The following ADAMTS14 variants were observed in gnomAD, a reference collection of about 807,000 sequenced individuals.
ADAMTS14 encodes ADAM metallopeptidase with thrombospondin type 1 motif 14.
In ADAMTS14, 100 loss-of-function variants were observed where a neutral mutation model predicts 128.6. The ratio of observed to expected loss-of-function variants is 0.78; its 90% CI spans 0.66 to 0.92. The LOEUF (loss-of-function observed/expected upper bound fraction) is 0.92. Ranked by LOEUF, ADAMTS14 falls within the 40% of genes least tolerant of loss-of-function variation. The pLI is 0.00. For missense variants in ADAMTS14, 1,562 were observed against 1,658.6 expected (o/e 0.94, Z 1.01); for synonymous variants, 665 against 653.8 (o/e 1.02, Z -0.26).
At chr10:70,690,199 AG>A (rs1294167020) in intron 2 of ADAMTS14, among the ~76,000 whole-genome samples, 2 of 143,392 alleles carry the variant, frequency 1.4e-5, no homozygotes. Flanking sequence ...GGGTCTGGAG[AG>A]GGGGTCTGGT....
At chr10:70,682,015 C>T (rs1053442281) in intron 2 of ADAMTS14, among the ~76,000 whole-genome samples, 2 of 152,280 alleles carry the variant, frequency 1.3e-5, no homozygotes, top group African/African-American at 4.8e-5. Context: ...TTTTCAGCCC[C>T]TTCCCTTGGC....
chr10:70,686,097 A>G (rs1206899756), intron 2 of ADAMTS14, among the ~76,000 whole-genome samples: 1 of 152,150 alleles, frequency 6.6e-6, no homozygotes, highest in Non-Finnish European at 1.5e-5. Flanking sequence ...TTGTCATGGA[A>G]CATTGAAAAA....
intron 9 of ADAMTS14, among the ~76,000 whole-genome samples, chr10:70,736,247 T>C (rs1323432289): frequency 1.4e-5 from 2 of 144,332 alleles, no homozygotes; most frequent in African/African-American, 5.1e-5. Flanking sequence ...GGAGGTGGAG[T>C]CCCAGCCTCG....
chr10:70,704,040 A>G lies in ADAMTS14; in HGVS notation c.679+1572A>G, dbSNP rs193297444. ...CATTTCACAGCTTGATTAAAGCCAG[A>G]GGCTTCAGCTCAGCTCTTTGGGTCT... On this transcript the variant is annotated intron_variant, in intron 3 of 21. Transcript: ENST00000373207. Among the ~76,000 whole-genome samples, 569 of 152,336 alleles carry G rather than the reference A, an allele frequency of 3.7e-3. 11 individuals are homozygous for G. Among genetic ancestry groups the G allele is most frequent in the African/African-American group, 0.013 (545 of 41,576 alleles).
intron 18 of ADAMTS14, among the ~76,000 whole-genome samples, chr10:70,753,231 G>T (rs992903708): frequency 1.3e-5 from 2 of 152,306 alleles, no homozygotes; most frequent in African/African-American, 4.8e-5. Flanking sequence ...CACCCAGTGG[G>T]CATGCGCTTA....
At chr10:70,745,173 G>C in intron 14 of ADAMTS14, 53 bp from the exon 15 acceptor site, 3 of 1,570,428 alleles carry the variant, frequency 1.9e-6, no homozygotes, top group Non-Finnish European at 2.6e-6. Context: ...ACGCTGGGCA[G>C]TGGGACCACC....
rs1007635875 is a variant in ADAMTS14 at position 70,762,287 on chromosome 10, C to G, written c.*1434C>G. 1.3e-5 allele frequency: 2 copies of G among 152,324 alleles called. No individual in the cohort carries two copies. Among genetic ancestry groups the G allele is most frequent in the Non-Finnish European group, 1.5e-5 (1 of 68,120 alleles). 9.4% of individuals were successfully genotyped at this position (152,324 alleles called of 1,614,324 possible). On this transcript the variant is annotated 3_prime_UTR_variant, in exon 22 of 22. Transcript: ENST00000373207. ...AGTGGAGGTCCTGGGGGGCTCCCCGCCCTCCCCCTGTTGCCCTCCCCTCCC... is the reference window on the plus strand; with the variant it reads ...AGTGGAGGTCCTGGGGGGCTCCCCGGCCTCCCCCTGTTGCCCTCCCCTCCC...
At chr10:70,673,002 A>G (rs1839528587) in intron 1 of ADAMTS14, 118 bp downstream of exon 1, 19 of 1,289,210 alleles carry the variant, frequency 1.5e-5, no homozygotes, top group African/African-American at 3.1e-5. Context: ...CAGTATGCAC[A>G]CTCTGGGCTG....
Position 70,760,837 on chromosome 10 carries a change from C to A in ADAMTS14, c.3656C>A (p.Ala1219Asp). ...CATCCCGGCACCAGCCTCCCTGCTGCCTCCCCGGTGACATGAGCTGTGCCC... is the reference window on the plus strand; with the variant it reads ...CATCCCGGCACCAGCCTCCCTGCTGACTCCCCGGTGACATGAGCTGTGCCC... The part of the protein sequence containing the change: ...LRHPGTSLPA[A>D]SPVT The change falls in exon 22 of 22, where the codon GCC becomes GAC. Residue 1219 changes from alanine to aspartate, a missense_variant. Coordinates refer to ENST00000373207, the MANE Select transcript of ADAMTS14 (RefSeq NM_080722.4). 1 of 1,576,840 alleles carries A rather than the reference C, an allele frequency of 6.3e-7. No individual in the cohort carries two copies. The highest frequency in any genetic ancestry group is 8.6e-7 in the Non-Finnish European group (1 of 1,159,178).
intron 9 of ADAMTS14, among the ~76,000 whole-genome samples, chr10:70,735,524 G>A (rs1266952731): frequency 6.6e-6 from 1 of 152,228 alleles, no homozygotes; most frequent in South Asian, 2.1e-4. Flanking sequence ...GGAAAGATGG[G>A]AACAGCAGAG....
intron 4 of ADAMTS14, among the ~76,000 whole-genome samples, chr10:70,713,691 T>C (rs755879759): frequency 1.3e-5 from 2 of 151,670 alleles, no homozygotes; most frequent in Non-Finnish European, 1.5e-5. Flanking sequence ...TATTAATTGC[T>C]GTGACTAGAA....
At position 70,729,887 on chromosome 10, in the gene ADAMTS14, C is replaced by T. The variant is rs138030960; in HGVS notation, c.955-215C>T. ...GTGTGTGTGAAGTTCCCGGCAGAAA[C>T]GCATCTCAGCATGGTGCTTGGCACG... On this transcript the variant is annotated intron_variant, in intron 5 of 21. Transcript: ENST00000373207. Among the ~76,000 whole-genome samples the T allele has an allele frequency of 3.1e-4, 47 of 152,336 alleles. 1 individual carries two copies. The East Asian group carries it at 4.1e-3, about 13-fold the overall frequency.
chr10:70,689,499 G>A (rs79511387), intron 2 of ADAMTS14, among the ~76,000 whole-genome samples: 2,649 of 145,346 alleles, frequency 0.018, 214 homozygotes, highest in African/African-American at 0.06. Context: ...GGGCGAAGGC[G>A]CGGAGGCCCA....
intron 12 of ADAMTS14, among the ~76,000 whole-genome samples, chr10:70,741,878 G>A (rs527634960): frequency 6.6e-6 from 1 of 152,318 alleles, no homozygotes; most frequent in African/African-American, 2.4e-5. Flanking sequence ...CAGAGCCTCG[G>A]CTGGAAGAGC....
At chr10:70,677,891 T>G (rs992485906) in intron 2 of ADAMTS14, among the ~76,000 whole-genome samples, 1 of 152,244 alleles carries the variant, frequency 6.6e-6, no homozygotes, top group Non-Finnish European at 1.5e-5. Context: ...GCATTTCTGA[T>G]AAGATTGAAC....
At chr10:70,739,804 C>T (rs998145956) in intron 11 of ADAMTS14, among the ~76,000 whole-genome samples, 3 of 152,178 alleles carry the variant, frequency 2.0e-5, no homozygotes, top group African/African-American at 7.2e-5. Flanking sequence ...TTATTTATCG[C>T]TAGGGATGGG....
Position 70,672,686 on chromosome 10 carries a change from G to A in ADAMTS14, c.-117G>A, listed in dbSNP as rs1839515887. On this transcript the variant is annotated 5_prime_UTR_variant, in exon 1 of 22. Transcript: ENST00000373207. Reference sequence around the variant, plus strand: ...AGCTAGGCGGGGAGGCGGCTGAGGCGGCAGCGGCGGCAGCCAGCCGGTGCT... The same window carrying A: ...AGCTAGGCGGGGAGGCGGCTGAGGCAGCAGCGGCGGCAGCCAGCCGGTGCT... 3 of 704,786 alleles carry A rather than the reference G, an allele frequency of 4.3e-6. No homozygotes were observed. The highest frequency in any genetic ancestry group is 5.6e-6 in the Non-Finnish European group (3 of 534,072). The allele number at this position is 704,786 out of a possible 1,614,324, so 43.7% of individuals were successfully genotyped here. A position where few individuals can be genotyped will look rare whatever the true frequency, so the allele number is the denominator to read the frequency against.
intron 15 of ADAMTS14, among the ~76,000 whole-genome samples, chr10:70,748,931 C>T (rs938054106): frequency 6.6e-6 from 1 of 152,204 alleles, no homozygotes; most frequent in African/African-American, 2.4e-5. Context: ...GGGCCTTGGC[C>T]AGGTGTTGGC....
At chr10:70,755,924 T>C (rs1024240220) in intron 19 of ADAMTS14, among the ~76,000 whole-genome samples, 2 of 152,260 alleles carry the variant, frequency 1.3e-5, no homozygotes, top group African/African-American at 4.8e-5. Context: ...AAACCTCATT[T>C]GATCACAATG....
Sources: gnomAD v4.1 joint callset for allele counts (sites outside exome capture counted in the v4.1 genomes callset) on GRCh38, gnomAD v4.1.1 for gene constraint, MANE v1.5 for transcripts, NCBI Gene and HGNC (gene_info 2026-07-23, HGNC 2026-07-21) for gene names.